The following RBM19 variants were observed in gnomAD, a reference collection of about 807,000 sequenced individuals.
The protein encoded by RBM19 is RNA binding motif protein 19, also known as probable RNA-binding protein 19.
In RBM19, 94 loss-of-function variants were observed where a neutral mutation model predicts 116.8. The observed-to-expected ratio is 0.80, with a 90% CI of 0.68 to 0.95. RBM19 has a LOEUF of 0.95. Ranked by LOEUF, RBM19 falls within the 40% of genes least tolerant of loss-of-function variation. RBM19 has a pLI of 0.00. For missense variants in RBM19, 1,161 were observed against 1,220.7 expected (o/e 0.95, Z 0.73); for synonymous variants, 475 against 494.1 (o/e 0.96, Z 0.51).
At chr12:113,849,494 C>T (rs189318179) in intron 22 of RBM19, among the ~76,000 whole-genome samples, 6 of 152,340 alleles carry the variant, frequency 3.9e-5, no homozygotes, top group East Asian at 1.9e-4. Context: ...GAGTATGTCC[C>T]GTTCTGAGAG....
At chr12:113,951,898 C>G (rs61344499) in intron 8 of RBM19, among the ~76,000 whole-genome samples, 1 of 152,162 alleles carries the variant, frequency 6.6e-6, no homozygotes, top group Non-Finnish European at 1.5e-5. Context: ...CCAGCCTCCC[C>G]GCAGCTACAG....
At chr12:113,954,522 C>G (rs1471976834) in intron 7 of RBM19, among the ~76,000 whole-genome samples, 1 of 152,210 alleles carries the variant, frequency 6.6e-6, no homozygotes, top group African/African-American at 2.4e-5. Flanking sequence ...TAGCACCCCT[C>G]TCACTCTCAA....
At chr12:113,826,729 C>T (rs1224371905) in intron 23 of RBM19, among the ~76,000 whole-genome samples, 2 of 152,148 alleles carry the variant, frequency 1.3e-5, no homozygotes, top group African/African-American at 4.8e-5. Flanking sequence ...AGGGCAATGC[C>T]CAGCCCCTGG....
At position 113,962,292 on chromosome 12, in the gene RBM19, T is replaced by C; in HGVS notation, c.159A>G (p.Glu53=). The change falls in exon 2 of 24, where the codon GAA becomes GAG. Residue 53 remains glutamate, a synonymous_variant. Transcript: ENST00000261741. ...AATGCTTCTGTGCCTTCTGGGCCTC[T>C]TCCTCGGACTTGAAGCCAATAAAAC... ...KFGFIGFKSE[E]EAQKAQKHFN... is the part of the protein sequence containing the mutation. The C allele has an allele frequency of 6.2e-7, 1 of 1,614,266 alleles. No homozygotes were observed. The highest frequency in any genetic ancestry group is 8.5e-7 in the Non-Finnish European group (1 of 1,180,054).
At chr12:113,897,807 G>C (rs1881440307) in intron 21 of RBM19, among the ~76,000 whole-genome samples, 1 of 152,210 alleles carries the variant, frequency 6.6e-6, no homozygotes, top group Non-Finnish European at 1.5e-5. Flanking sequence ...TGTGCACAAA[G>C]CCTCCAGCTG....
intron 21 of RBM19, among the ~76,000 whole-genome samples, chr12:113,913,287 G>A (rs969633567): frequency 1.3e-5 from 2 of 152,176 alleles, no homozygotes; most frequent in African/African-American, 4.8e-5. Flanking sequence ...AGCAGAGCAT[G>A]TTTAAACAAG....
In RBM19 at chr12:113,924,628, T is replaced by C. The variant is rs1593593795; in HGVS notation, c.2305+69A>G. On this transcript the variant is annotated intron_variant, in intron 18 of 23. Transcript: ENST00000261741. ...ACTACCCCAACCCCTTGTCTGAAGCTGGAGCTTCTTTTGGAATCCACTCTT... is the reference window on the plus strand; with the variant it reads ...ACTACCCCAACCCCTTGTCTGAAGCCGGAGCTTCTTTTGGAATCCACTCTT... 5 of 1,375,432 alleles carry C rather than the reference T, an allele frequency of 3.6e-6. No individual in the cohort carries two copies. In the East Asian group the frequency reaches 1.1e-4, roughly 32 times the overall value. The allele number at this position is 1,375,432 out of a possible 1,614,324, so 85.2% of individuals were successfully genotyped here.
chr12:113,827,084 T>C (rs1785289481), intron 23 of RBM19, among the ~76,000 whole-genome samples: 2 of 152,190 alleles, frequency 1.3e-5, no homozygotes, highest in Admixed American at 6.5e-5. Flanking sequence ...GAGCACCCTG[T>C]TTGCAGCGAA....
At chr12:113,857,093 T>C (rs1877969688) in intron 22 of RBM19, among the ~76,000 whole-genome samples, 1 of 152,200 alleles carries the variant, frequency 6.6e-6, no homozygotes, top group African/African-American at 2.4e-5. Flanking sequence ...CAGCCTCCTA[T>C]AGGAACTCTG....
intron 14 of RBM19, 125 bp from the exon 15 acceptor site, chr12:113,940,285 TAGG>T: frequency 1.0e-6 from 1 of 998,520 alleles, no homozygotes; most frequent in South Asian, 1.6e-5. Flanking sequence ...ACCAGGCACT[TAGG>T]AGGAAGACCC....
At chr12:113,933,123 T>C (rs189411740) in intron 16 of RBM19, among the ~76,000 whole-genome samples, 119 of 151,824 alleles carry the variant, frequency 7.8e-4, no homozygotes, top group African/African-American at 2.6e-3. Context: ...TAAAACACGC[T>C]GTCCCCCTCC....
Position 113,881,660 on chromosome 12 carries a change from G to A in RBM19, c.2559-22764C>T, listed in dbSNP as rs1036416622. ...CTCAAGGGCCCATTTCATGGAAGAC[G>A]AAACTACGGCCAGACAGGAAGGCAA... On this transcript the variant is annotated intron_variant, in intron 21 of 23. Coordinates refer to ENST00000261741, the MANE Select transcript of RBM19 (RefSeq NM_016196.4). Among the ~76,000 whole-genome samples the A allele has an allele frequency of 5.9e-5, 9 of 152,300 alleles. No homozygotes were observed. The South Asian group carries it at 6.2e-4, about 11-fold the overall frequency.
chr12:113,900,697 A>C (rs779402257), intron 21 of RBM19, among the ~76,000 whole-genome samples: 9 of 152,260 alleles, frequency 5.9e-5, no homozygotes, highest in Non-Finnish European at 1.3e-4. Context: ...AAGGAGGAGG[A>C]AGGACAGCAT....
chr12:113,846,774 G>A (rs1877015887), intron 22 of RBM19, among the ~76,000 whole-genome samples: 1 of 152,208 alleles, frequency 6.6e-6, no homozygotes, highest in South Asian at 2.1e-4. Flanking sequence ...GTGCAGTGGT[G>A]TGATCATGGC....
Position 113,823,135 on chromosome 12 carries a change from C to T in RBM19, c.*89G>A, listed in dbSNP as rs1366340704. The T allele has an allele frequency of 2.3e-6, 3 of 1,287,988 alleles. No individual in the cohort carries two copies. The highest frequency in any genetic ancestry group is 3.3e-6 in the Non-Finnish European group (3 of 922,814). The allele number at this position is 1,287,988 out of a possible 1,614,324, so 79.8% of individuals were successfully genotyped here. A position where few individuals can be genotyped will look rare whatever the true frequency, so the allele number is the denominator to read the frequency against. ...GGCCGCCTGCCGCTCCCCGCCCCGC[C>T]CCCCAGCCCACATGGTGGTGAGTGC... On this transcript the variant is annotated 3_prime_UTR_variant, in exon 24 of 24. Transcript: ENST00000261741.
chr12:113,940,613 G>A (rs73399063), intron 14 of RBM19, among the ~76,000 whole-genome samples: 2 of 152,338 alleles, frequency 1.3e-5, no homozygotes, highest in East Asian at 3.9e-4. Flanking sequence ...CCTTGGGTGG[G>A]ATGAGACTGA....
At chr12:113,837,799 CAG>C (rs369468732) in intron 23 of RBM19, among the ~76,000 whole-genome samples, 23 of 152,350 alleles carry the variant, frequency 1.5e-4, no homozygotes, top group African/African-American at 4.6e-4. Context: ...ATATTTAAAA[CAG>C]AGGATTGCGA....
chr12:113,891,711 CTGCTA>C (rs1880975798), intron 21 of RBM19, among the ~76,000 whole-genome samples: 2 of 152,182 alleles, frequency 1.3e-5, no homozygotes, highest in Non-Finnish European at 1.5e-5. Context: ...AGCTACTGCT[CTGCTA>C]TATTAACAGA....
rs532381171 is a variant in RBM19, at chr12:113,842,620, G to A, written c.2785+2048C>T. On this transcript the variant is annotated intron_variant, in intron 23 of 23. Coordinates refer to ENST00000261741, the MANE Select transcript of RBM19 (RefSeq NM_016196.4). ...GAGATGAGCACGACACAGCCCCCAT[G>A]TGGGGAAGGCACGGGTCCAGAGAGG... 1.4e-4 allele frequency among the ~76,000 whole-genome samples: 21 copies of A among 152,364 alleles called. No individual in the cohort carries two copies. The South Asian group carries it at 3.7e-3, about 27-fold the overall frequency.
Sources: gnomAD v4.1 joint callset for allele counts (sites outside exome capture counted in the v4.1 genomes callset) on GRCh38, gnomAD v4.1.1 for gene constraint, MANE v1.5 for transcripts, NCBI Gene and HGNC (gene_info 2026-07-23, HGNC 2026-07-21) for gene names.